Variants in HBP1 observed in about 807,000 individuals in gnomAD.
HBP1 encodes HMG-box transcription factor 1.
A neutral mutation model predicts 62.6 loss-of-function variants in HBP1; 20 were observed. The ratio of observed to expected loss-of-function variants is 0.32; its 90% confidence interval spans 0.22 to 0.46. The LOEUF is 0.46. Among genes scored for constraint, HBP1 ranks in the 20% least tolerant of loss-of-function variants. The pLI is 1.00. For synonymous variants in HBP1, 232 were observed against 206.2 expected (o/e 1.12, Z -1.07); for missense variants, 480 against 611.8 (o/e 0.78, Z 2.27).
At chr7:107,191,600 A>G (rs1037347536) in intron 8 of HBP1, among the ~76,000 whole-genome samples, 1 of 152,228 alleles carries the variant, frequency 6.6e-6, no homozygotes, top group African/African-American at 2.4e-5. Flanking sequence ...ATCAATACTT[A>G]TTAACTGGAG....
rs371525882 is a variant in HBP1 at position 107,175,715 on chromosome 7, T to C, written c.-15-4164T>C. Among the ~76,000 whole-genome samples, 23 of 150,574 alleles carry C rather than the reference T, an allele frequency of 1.5e-4. No individual in the cohort carries two copies. In the East Asian group the frequency reaches 2.5e-3, roughly 17 times the overall value. ...CTCTCATTGGGAGACCTCCCTCTCT[T>C]CTTTTTTTTTTTTTTTTTTGAGACG... On this transcript the variant is annotated intron_variant, in intron 1 of 10. Coordinates refer to ENST00000222574, the MANE Select transcript of HBP1 (RefSeq NM_012257.4).
intron 6 of HBP1, 142 bp downstream of exon 6, chr7:107,186,823 C>T: frequency 4.9e-6 from 3 of 618,432 alleles, no homozygotes; most frequent in Non-Finnish European, 8.7e-6. Context: ...TATGACCACT[C>T]ATTGCTTAGT....
chr7:107,178,592 A>G (rs887598643), intron 1 of HBP1, among the ~76,000 whole-genome samples: 3 of 152,298 alleles, frequency 2.0e-5, no homozygotes, highest in Middle Eastern at 6.8e-3. Flanking sequence ...TCATCTTTCT[A>G]TACATAATAT....
At chr7:107,186,911 G>T in intron 6 of HBP1, among the ~76,000 whole-genome samples, 1 of 152,102 alleles carries the variant, frequency 6.6e-6, no homozygotes, top group Non-Finnish European at 1.5e-5. Context: ...ATTTCTTGGT[G>T]CTTCTTCGTG....
intron 6 of HBP1, among the ~76,000 whole-genome samples, chr7:107,188,957 C>T (rs980142902): frequency 1.3e-5 from 2 of 152,146 alleles, no homozygotes; most frequent in Non-Finnish European, 2.9e-5. Context: ...TTGTTAATTA[C>T]AAATTTCTTG....
rs762848519 is a variant in HBP1, at chr7:107,185,878, C to A, written c.476C>A (p.Ser159Ter). ...CGCCCTCCACCAGTGTCCTCTTCTT[C>A]GAAGAGTGAACCAGCCTTCCCTCAT... ...YARPPPVSSS[S>*]KSEPAFPHHH... The change falls in exon 4 of 11, where the codon TCG (serine) becomes TAG (stop). Residue 159 changes from serine to a stop codon, truncating the protein, a stop_gained. Transcript: ENST00000222574. LOFTEE classifies it high-confidence loss of function. The A allele has an allele frequency of 6.2e-7, 1 of 1,610,768 alleles. No individual in the cohort carries two copies. The highest frequency in any genetic ancestry group is 1.7e-4 in the Middle Eastern group (1 of 6,058).
chr7:107,169,125 T>C lies in HBP1; in HGVS notation c.-76T>C, dbSNP rs1796417412. The C allele has an allele frequency of 9.6e-6, 12 of 1,251,322 alleles. No individual in the cohort carries two copies. The highest frequency in any genetic ancestry group is 1.2e-5 in the Non-Finnish European group (12 of 968,964). 77.5% of individuals were successfully genotyped at this position (1,251,322 alleles called of 1,614,324 possible). On this transcript the variant is annotated 5_prime_UTR_variant, in exon 1 of 11. Coordinates refer to ENST00000222574, the MANE Select transcript of HBP1 (RefSeq NM_012257.4). ...TCGGTCGGAGAGGGGGTACGAGAGCTGCTGGTGGTGTTGTCGTGGCCGGAG... is the reference window on the plus strand; with the variant it reads ...TCGGTCGGAGAGGGGGTACGAGAGCCGCTGGTGGTGTTGTCGTGGCCGGAG...
intron 9 of HBP1, 76 bp from the exon 10 acceptor site, chr7:107,200,084 C>A (rs1798157043): frequency 8.5e-7 from 1 of 1,182,058 alleles, no homozygotes. Context: ...ACATTTTTCT[C>A]CTGAAGTAGC....
At chr7:107,172,728 A>G (rs931349671) in intron 1 of HBP1, among the ~76,000 whole-genome samples, 4 of 152,138 alleles carry the variant, frequency 2.6e-5, no homozygotes, top group African/African-American at 4.8e-5. Context: ...TCTGATAGGT[A>G]GATAGGTACT....
At chr7:107,186,011 A>C in intron 4 of HBP1, 69 bp downstream of exon 4, 33 of 1,156,670 alleles carry the variant, frequency 2.9e-5, no homozygotes, top group Non-Finnish European at 4.0e-5. Context: ...AACATTCCTC[A>C]TAGGAAGTAG....
At chr7:107,194,647 T>C (rs1797803584) in intron 8 of HBP1, among the ~76,000 whole-genome samples, 1 of 152,228 alleles carries the variant, frequency 6.6e-6, no homozygotes. Context: ...TGTAATCTCA[T>C]GTTTTACCTT....
intron 1 of HBP1, chr7:107,170,086 G>A: frequency 1.0e-6 from 1 of 985,366 alleles, no homozygotes; most frequent in South Asian, 4.7e-5. Flanking sequence ...CATTCTTAGG[G>A]AGTTTTCAGC....
chr7:107,189,406 G>A lies in HBP1; in HGVS notation c.880G>A (p.Val294Ile), dbSNP rs764183998. 44 of 1,612,106 alleles carry A rather than the reference G, an allele frequency of 2.7e-5. No individual in the cohort carries two copies. The highest frequency in any genetic ancestry group is 6.7e-5 in the East Asian group (3 of 44,818). The part of the protein sequence containing the change: ...PGTVEDGLLT[V>I]ECKLDHPFYV... ...TACAGTAGAAGATGGTTTACTTACCGTAGAGTGTAAGCTGGACCACCCTTT... is the reference window on the plus strand; with the variant it reads ...TACAGTAGAAGATGGTTTACTTACCATAGAGTGTAAGCTGGACCACCCTTT... The change falls in exon 7 of 11, where the codon GTA (valine) becomes ATA (isoleucine). Residue 294 changes from valine (V) to isoleucine (I), a missense_variant. By Grantham distance (29) the Val-to-Ile change is conservative. Around this residue, in one of 4 missense-constraint regions of HBP1, gnomAD observed 58 missense variants for 128.5 expected, o/e 0.45. Transcript: ENST00000222574.
chr7:107,175,245 T>C (rs1308900348), intron 1 of HBP1, among the ~76,000 whole-genome samples: 1 of 152,192 alleles, frequency 6.6e-6, no homozygotes, highest in Non-Finnish European at 1.5e-5. Context: ...TGTCTGATAA[T>C]TGCTAATCAT....
intron 4 of HBP1, 104 bp downstream of exon 4, chr7:107,186,046 G>A (rs1364727492): frequency 1.2e-6 from 1 of 846,332 alleles, no homozygotes; most frequent in East Asian, 2.6e-5. Flanking sequence ...TAGTGATCTG[G>A]ATTTGATTTT....
chr7:107,179,746 T>G (rs1284149131), intron 1 of HBP1, 133 bp from the exon 2 acceptor site: 2 of 519,792 alleles, frequency 3.8e-6, no homozygotes, highest in East Asian at 5.9e-5. Flanking sequence ...CACTGCAGTC[T>G]GGGTGACAGA....
At chr7:107,174,562 T>C (rs1174833243) in intron 1 of HBP1, 22 of 985,216 alleles carry the variant, frequency 2.2e-5, no homozygotes, top group Non-Finnish European at 2.7e-5. Flanking sequence ...GGACCTGCTG[T>C]AGGGAAGAAA....
At chr7:107,199,749 C>T (rs1304251746) in intron 9 of HBP1, among the ~76,000 whole-genome samples, 1 of 152,110 alleles carries the variant, frequency 6.6e-6, no homozygotes, top group East Asian at 1.9e-4. Context: ...AGTTTAACTT[C>T]TTAGCATTTT....
intron 1 of HBP1, among the ~76,000 whole-genome samples, chr7:107,175,205 T>TA (rs149259408): frequency 0.16 from 23,792 of 149,750 alleles, 2,300 homozygotes; most frequent in Non-Finnish European, 0.22. Context: ...AGACCTCTTT[T>TA]AAAAAAAAAA....
Sources: gnomAD v4.1 joint callset for allele counts (sites outside exome capture counted in the v4.1 genomes callset) on GRCh38, gnomAD v4.1.1 for gene constraint, gnomAD v4.1.1 regional missense constraint, MANE v1.5 for transcripts, NCBI Gene and HGNC (gene_info 2026-07-23, HGNC 2026-07-21) for gene names.